Variants in MAF observed in about 807,000 individuals in gnomAD.
The protein encoded by MAF is transcription factor Maf.
MAF carries 10 observed loss-of-function variants against 22.0 expected under a neutral mutation model. The observed-to-expected ratio is 0.45, with a 90% CI of 0.28 to 0.77. MAF has a LOEUF of 0.77. MAF is among the 30% of genes least tolerant of loss of function. MAF has a pLI of 0.12. For missense variants in MAF, 544 were observed against 548.4 expected (o/e 0.99, Z 0.08); for synonymous variants, 337 against 255.8 (o/e 1.32, Z -3.03).
At chr16:79,299,536 T>A in the MAF span, among the ~76,000 whole-genome samples, 88 of 152,168 alleles carry the variant, frequency 5.8e-4, 1 homozygote, top group Non-Finnish European at 8.8e-4. Context: ...GAAACTCAAT[T>A]GACGGTTACT....
At chr16:79,242,584 G>C in the MAF span, among the ~76,000 whole-genome samples, 1 of 151,942 alleles carries the variant, frequency 6.6e-6, no homozygotes, top group African/African-American at 2.4e-5. Flanking sequence ...AGGAGACTTA[G>C]ACTCCCACAC....
chr16:79,339,858 G>C, the MAF span, among the ~76,000 whole-genome samples: 1 of 152,156 alleles, frequency 6.6e-6, no homozygotes, highest in Admixed American at 6.5e-5. Flanking sequence ...GTAAAGCAAA[G>C]CCAACACTGG....
the MAF span, among the ~76,000 whole-genome samples, chr16:79,342,872 T>A: frequency 6.6e-6 from 1 of 152,192 alleles, no homozygotes. Flanking sequence ...CATTAAGAGT[T>A]CATGGGGTTC....
chr16:79,392,242 G>A, the MAF span, among the ~76,000 whole-genome samples: 2 of 147,110 alleles, frequency 1.4e-5, no homozygotes, highest in Admixed American at 6.9e-5. Context: ...GAGGGGGAGA[G>A]GAGAAAGAGA....
the MAF span, among the ~76,000 whole-genome samples, chr16:79,527,727 T>G: frequency 7.9e-5 from 12 of 152,300 alleles, no homozygotes; most frequent in African/African-American, 2.6e-4. Context: ...GGAAGTTCAC[T>G]TCAGTTTGAA....
At chr16:79,478,186 C>G in the MAF span, among the ~76,000 whole-genome samples, 3 of 152,370 alleles carry the variant, frequency 2.0e-5, no homozygotes, top group African/African-American at 7.2e-5. Context: ...CCTTCCCCGT[C>G]ATCCTGTGCT....
At chr16:79,414,405 C>T in the MAF span, among the ~76,000 whole-genome samples, 1 of 152,098 alleles carries the variant, frequency 6.6e-6, no homozygotes, top group Admixed American at 6.5e-5. Flanking sequence ...AGGGAAGATG[C>T]CAGGTTGTTT....
the MAF span, among the ~76,000 whole-genome samples, chr16:79,493,636 A>C: frequency 6.6e-6 from 1 of 152,220 alleles, no homozygotes; most frequent in Non-Finnish European, 1.5e-5. Flanking sequence ...AGTTTTCACA[A>C]AATGAAAATC....
chr16:79,472,417 T>C, the MAF span, among the ~76,000 whole-genome samples: 4 of 152,200 alleles, frequency 2.6e-5, no homozygotes, highest in Non-Finnish European at 2.9e-5. Flanking sequence ...GTTCTATCCA[T>C]ACAATGGAAT....
At chr16:79,543,375 C>A in the MAF span, among the ~76,000 whole-genome samples, 1 of 152,186 alleles carries the variant, frequency 6.6e-6, no homozygotes, top group Non-Finnish European at 1.5e-5. Flanking sequence ...ATCTCATACA[C>A]AAAATGGGAA....
the MAF span, among the ~76,000 whole-genome samples, chr16:79,414,995 C>T: frequency 6.6e-6 from 1 of 152,200 alleles, no homozygotes; most frequent in Non-Finnish European, 1.5e-5. Context: ...CTCTTGAATG[C>T]TTCCATCCAG....
At chr16:79,527,359 C>G in the MAF span, among the ~76,000 whole-genome samples, 5 of 152,316 alleles carry the variant, frequency 3.3e-5, no homozygotes, top group Non-Finnish European at 4.4e-5. Context: ...AAGCAATCAA[C>G]TCCCCAAGTG....
chr16:79,593,290 C>T (rs544957971), downstream of MAF, among the ~76,000 whole-genome samples: 5 of 152,212 alleles, frequency 3.3e-5, no homozygotes, highest in South Asian at 8.3e-4. Context: ...AACCTTTGAA[C>T]GTGTCATAGG....
the MAF span, among the ~76,000 whole-genome samples, chr16:79,376,465 G>GT: frequency 7.9e-5 from 12 of 151,806 alleles, no homozygotes; most frequent in Non-Finnish European, 2.9e-5. Context: ...ACACTCACAT[G>GT]TTTTTTGTTT....
chr16:79,528,014 G>T, the MAF span, among the ~76,000 whole-genome samples: 2 of 152,100 alleles, frequency 1.3e-5, no homozygotes, highest in Admixed American at 6.5e-5. Flanking sequence ...GTGTTGGTGC[G>T]CACCTGTAAT....
chr16:79,270,393 T>C, the MAF span, among the ~76,000 whole-genome samples: 1 of 151,918 alleles, frequency 6.6e-6, no homozygotes, highest in Non-Finnish European at 1.5e-5. Flanking sequence ...CAGAGGAGCA[T>C]GTGTGGAGTG....
the MAF span, chr16:79,264,471 T>G: frequency 2.0e-5 from 3 of 152,180 alleles, no homozygotes; most frequent in African/African-American, 4.8e-5. Context: ...GCCATACCAT[T>G]CTGAATGTGC....
chr16:79,484,968 T>C, the MAF span, among the ~76,000 whole-genome samples: 1 of 152,226 alleles, frequency 6.6e-6, no homozygotes, highest in Non-Finnish European at 1.5e-5. Flanking sequence ...AGAAGTTCTG[T>C]GGCCCCAGGT....
rs560014227 is a variant in MAF at position 79,600,573 on chromosome 16, G to C, written c.-671C>G. The stretch of plus-strand genomic sequence containing the variant: ...TGCAGCCCGACTGGAGGAGAGGGAG[G>C]GGGGAGTTTAGTTCTTTCTTGCCTT... On this transcript the variant is annotated 5_prime_UTR_variant, in exon 1 of 2. Coordinates refer to ENST00000326043, the MANE Select transcript of MAF (RefSeq NM_005360.5). The C allele has an allele frequency of 1.5e-4, 29 of 196,246 alleles. No individual in the cohort carries two copies. In the South Asian group the frequency reaches 5.4e-3, roughly 36 times the overall value. The allele number at this position is 196,246 out of a possible 1,614,324, so 12.2% of individuals were successfully genotyped here.
Sources: allele counts gnomAD v4.1 joint callset (sites outside exome capture counted in the v4.1 genomes callset), GRCh38; gene constraint gnomAD v4.1.1; transcripts MANE v1.5; gene names NCBI Gene and HGNC (gene_info 2026-07-23, HGNC 2026-07-21).